The following NECAB2 variants were observed in gnomAD, a reference collection of about 807,000 sequenced individuals.
The protein encoded by NECAB2 is N-terminal EF-hand calcium-binding protein 2.
In NECAB2, 68 loss-of-function variants were observed where a neutral mutation model predicts 51.9. The ratio of observed to expected loss-of-function variants is 1.31; its 90% CI spans 1.08 to 1.60. NECAB2 has a LOEUF of 1.60. NECAB2 is among the 40% of genes most tolerant of loss of function. The pLI, the probability that NECAB2 is intolerant of heterozygous loss-of-function variation, is 0.00. For missense variants in NECAB2, 854 were observed against 490.3 expected, an observed-to-expected ratio of 1.74 and a Z score of -7.00; for synonymous variants, 329 against 203.5, an observed-to-expected ratio of 1.62 and a Z score of -5.25.
chr16:83,998,376 AG>A, intron 10 of NECAB2, 59 bp downstream of exon 10: 1 of 1,522,956 alleles, frequency 6.6e-7, no homozygotes, highest in Non-Finnish European at 9.0e-7. Context: ...CTGGCAGTGG[AG>A]GAACAGGGCA....
intron 10 of NECAB2, among the ~76,000 whole-genome samples, chr16:83,998,589 C>T (rs1489312071): frequency 6.6e-6 from 1 of 152,284 alleles, no homozygotes; most frequent in Non-Finnish European, 1.5e-5. Flanking sequence ...ATCATGAGTG[C>T]ATATACAATC....
chr16:83,993,620 CTGTG>C (rs57610964), intron 6 of NECAB2: 15,593 of 135,206 alleles, frequency 0.12, 887 homozygotes, highest in Non-Finnish European at 0.13. Context: ...GCAAGGTGAG[CTGTG>C]TGTGTGTGTG....
intron 2 of NECAB2, among the ~76,000 whole-genome samples, chr16:83,974,797 A>C (rs1169947928): frequency 6.6e-6 from 1 of 152,010 alleles, no homozygotes; most frequent in African/African-American, 2.4e-5. Context: ...ATGGCTGGGG[A>C]AAGAGGAATG....
intron 10 of NECAB2, 88 bp from the exon 11 acceptor site, chr16:84,000,635 TG>T (rs1285777206): frequency 9.9e-7 from 1 of 1,011,468 alleles, no homozygotes; most frequent in East Asian, 2.4e-5. Context: ...TTGTGTATAG[TG>T]GTGGGTCTCA....
rs1011492293 is a variant in NECAB2 at position 84,002,424 on chromosome 16, C to T, written c.*78C>T. On this transcript the variant is annotated 3_prime_UTR_variant, in exon 13 of 13. Transcript: ENST00000305202. ...GAAATCCCGTTTTTTTCTAGACAGA[C>T]ACTTTGGTGCAGAAGCTTCTTTTCA... 8.6e-6 allele frequency: 13 copies of T among 1,516,856 alleles called. No individual in the cohort carries two copies. Among genetic ancestry groups the T allele is most frequent in the Middle Eastern group, 1.7e-4 (1 of 5,874 alleles). 94.0% of individuals were successfully genotyped at this position (1,516,856 alleles called of 1,614,324 possible). A position where few individuals can be genotyped will look rare whatever the true frequency, so the allele number is the denominator to read the frequency against.
At chr16:84,001,978 G>C (rs999889424) in intron 12 of NECAB2, 62 bp downstream of exon 12, 1 of 1,552,620 alleles carries the variant, frequency 6.4e-7, no homozygotes, top group African/African-American at 1.4e-5. Context: ...CAAGAGCCTA[G>C]AGGCTGCCCC....
At chr16:83,999,797 T>G (rs2084785213) in intron 10 of NECAB2, among the ~76,000 whole-genome samples, 1 of 151,062 alleles carries the variant, frequency 6.6e-6, no homozygotes, top group Non-Finnish European at 1.5e-5. Context: ...TCAGGTACAG[T>G]GCAGTGGGGG....
At position 83,978,377 on chromosome 16, in the gene NECAB2, C is replaced by CAT. The variant is rs1424118404; in HGVS notation, c.227-66_227-65dup. The CAT allele has an allele frequency of 4.6e-6, 6 of 1,293,710 alleles. No individual in the cohort carries two copies. The Admixed American group carries it at 7.1e-5, about 15-fold the overall frequency. The allele number at this position is 1,293,710 out of a possible 1,614,324, so 80.1% of individuals were successfully genotyped here. A position where few individuals can be genotyped will look rare whatever the true frequency, so the allele number is the denominator to read the frequency against. ...CCATTGACTGGATTTGGGGGCCGTGCATGCACTAGCCCCACCAGCCTTATC... is the reference window on the plus strand; with the variant it reads ...CCATTGACTGGATTTGGGGGCCGTGCATATGCACTAGCCCCACCAGCCTTATC... On this transcript the variant is annotated intron_variant, in intron 2 of 12. Transcript: ENST00000305202.
intron 5 of NECAB2, among the ~76,000 whole-genome samples, chr16:83,986,404 T>C (rs1231239881): frequency 2.0e-5 from 3 of 152,156 alleles, no homozygotes; most frequent in African/African-American, 7.2e-5. Context: ...CACTAATACA[T>C]AGGTAAATAG....
intron 8 of NECAB2, among the ~76,000 whole-genome samples, chr16:83,995,576 C>A (rs552184548): frequency 6.6e-6 from 1 of 152,202 alleles, no homozygotes; most frequent in East Asian, 1.9e-4. Context: ...CACCCGTATA[C>A]CCACATAAGC....
chr16:83,974,130 C>G (rs1012372049), intron 2 of NECAB2, among the ~76,000 whole-genome samples: 2 of 152,048 alleles, frequency 1.3e-5, no homozygotes, highest in Non-Finnish European at 2.9e-5. Context: ...TTACATCTTA[C>G]CAGCCACCAC....
chr16:84,002,002 ACTTGCCTG>A (rs2084846924), intron 12 of NECAB2, 86 bp downstream of exon 12: 3 of 1,436,406 alleles, frequency 2.1e-6, no homozygotes, highest in South Asian at 2.4e-5. Context: ...TCTCCCGGGG[ACTTGCCTG>A]CTTGCTGTGG....
chr16:83,993,982 C>A (rs1190874717), intron 6 of NECAB2, among the ~76,000 whole-genome samples: 1 of 152,132 alleles, frequency 6.6e-6, no homozygotes, highest in African/African-American at 2.4e-5. Context: ...CCGAAAGCTT[C>A]GAGCTGTTAG....
chr16:83,994,895 G>T (rs1041744443), intron 8 of NECAB2, among the ~76,000 whole-genome samples: 1 of 152,176 alleles, frequency 6.6e-6, no homozygotes. Flanking sequence ...CCCAAGGAGG[G>T]GCGCCTGGGA....
chr16:83,998,904 C>T (rs914969980), intron 10 of NECAB2, among the ~76,000 whole-genome samples: 1 of 152,182 alleles, frequency 6.6e-6, no homozygotes, highest in Non-Finnish European at 1.5e-5. Flanking sequence ...AAAGCTAAGG[C>T]ATGTGGCCAG....
intron 10 of NECAB2, among the ~76,000 whole-genome samples, chr16:83,999,528 A>C (rs1032464633): frequency 2.0e-5 from 3 of 152,014 alleles, no homozygotes; most frequent in Admixed American, 2.0e-4. Flanking sequence ...CCACCCCAAG[A>C]TGGAATCCAG....
rs2084850687 is a variant in NECAB2, at chr16:84,002,214, G to A, written c.1133-104G>A. 6 of 1,400,176 alleles carry A rather than the reference G, an allele frequency of 4.3e-6. No homozygotes were observed. In the Admixed American group the frequency reaches 6.7e-5, roughly 16 times the overall value. The allele number at this position is 1,400,176 out of a possible 1,614,324, so 86.7% of individuals were successfully genotyped here. A position where few individuals can be genotyped will look rare whatever the true frequency, so the allele number is the denominator to read the frequency against. On this transcript the variant is annotated intron_variant, in intron 12 of 12. Transcript: ENST00000305202. ...CAGCAAGGACCTGTGTGTCACACAA[G>A]GACTCAAAGCCATCCCCCGACCTGT...
chr16:83,977,994 G>A (rs1294162263), intron 2 of NECAB2, among the ~76,000 whole-genome samples: 1 of 152,200 alleles, frequency 6.6e-6, no homozygotes, highest in African/African-American at 2.4e-5. Flanking sequence ...GGGACAAGTT[G>A]CTCACAGTGG....
chr16:83,997,220 T>G lies in NECAB2; in HGVS notation c.800T>G (p.Leu267Arg), dbSNP rs771400842. ...CTGTGTGCTGGATTGTTTCAGGCAC[T>G]GTGGTTCGACCTGCAGCAGCGCCTG... ...ELIGRLESKA[L>R]WFDLQQRLSD... Residue 267 changes from leucine to arginine, a missense_variant, in exon 9 of 13, where the codon CTG (leucine) becomes CGG (arginine). Coordinates refer to ENST00000305202, the MANE Select transcript of NECAB2 (RefSeq NM_019065.3). 2 of 1,614,166 alleles carry G rather than the reference T, an allele frequency of 1.2e-6. No homozygotes were observed. The highest frequency in any genetic ancestry group is 4.5e-5 in the East Asian group (2 of 44,876).
Sources: gnomAD v4.1 joint callset for allele counts (sites outside exome capture counted in the v4.1 genomes callset) on GRCh38, gnomAD v4.1.1 for gene constraint, MANE v1.5 for transcripts, NCBI Gene and HGNC (gene_info 2026-07-23, HGNC 2026-07-21) for gene names.